The following EPS8 variants were observed in gnomAD, a reference collection of about 807,000 sequenced individuals.
EPS8 encodes the protein EGFR pathway substrate 8, signaling adaptor.
Under a neutral mutation model 103.8 loss-of-function variants are expected in EPS8, and 42 were observed. The observed-to-expected ratio is 0.40, with a 90% CI of 0.32 to 0.52. The LOEUF is 0.52. Ranked by LOEUF, EPS8 falls within the 20% of genes least tolerant of loss-of-function variation. The pLI is 0.40. For missense variants in EPS8, 969 were observed against 1,005.1 expected (o/e 0.96, Z 0.49); for synonymous variants, 344 against 344.6 (o/e 1.00, Z 0.02).
At chr12:15,680,368 AGT>A (rs1197738744) in intron 3 of EPS8, among the ~76,000 whole-genome samples, 1 of 152,178 alleles carries the variant, frequency 6.6e-6, no homozygotes, top group Non-Finnish European at 1.5e-5. Context: ...AAACACATAC[AGT>A]GTTTTCTACT....
At chr12:15,647,076 G>A in intron 15 of EPS8, 51 bp downstream of exon 15, 1 of 1,560,322 alleles carries the variant, frequency 6.4e-7, no homozygotes, top group Admixed American at 1.8e-5. Context: ...GTTAGCACTA[G>A]ATCAGAGACA....
intron 6 of EPS8, among the ~76,000 whole-genome samples, chr12:15,668,228 A>T (rs1386392958): frequency 6.6e-6 from 1 of 152,210 alleles, no homozygotes; most frequent in Non-Finnish European, 1.5e-5. Context: ...CTTTTAGAAG[A>T]AGGTTTTTAG....
intron 14 of EPS8, among the ~76,000 whole-genome samples, chr12:15,649,205 C>G (rs946841984): frequency 1.3e-5 from 2 of 152,094 alleles, no homozygotes; most frequent in African/African-American, 4.8e-5. Flanking sequence ...ATTAATTATT[C>G]AGTGAAAGTA....
In EPS8 at chr12:15,772,574, C is replaced by T. The variant is rs1430276878; in HGVS notation, c.-22+16587G>A. 6.6e-6 allele frequency among the ~76,000 whole-genome samples: 1 copy of T among 152,080 alleles called. No homozygotes were observed. Among genetic ancestry groups the T allele is most frequent in the African/African-American group, 2.4e-5 (1 of 41,400 alleles). ...AAAATAAATAAATAAATAAATAAAG[C>T]ATTGGCTCTCACTGCTGCCAACAGA... is the stretch of plus-strand genomic sequence containing the variant. On this transcript the variant is annotated intron_variant, in intron 1 of 20. Coordinates refer to ENST00000281172, the MANE Select transcript of EPS8 (RefSeq NM_004447.6). This position sits in a 1 kb window ranked among gnomAD's most constrained non-coding sequence, Gnocchi z 5.0.
chr12:15,637,313 G>T (rs1945153273), intron 17 of EPS8, among the ~76,000 whole-genome samples: 1 of 152,226 alleles, frequency 6.6e-6, no homozygotes. Flanking sequence ...GAGCCATTGT[G>T]CCCACCCGAA....
intron 1 of EPS8, among the ~76,000 whole-genome samples, chr12:15,711,795 T>C (rs1000724835): frequency 6.6e-6 from 1 of 152,168 alleles, no homozygotes; most frequent in African/African-American, 2.4e-5. Context: ...TAAGAAATAA[T>C]AGTGACATTA....
At chr12:15,627,253 C>G (rs1944964581) in intron 18 of EPS8, among the ~76,000 whole-genome samples, 1 of 152,166 alleles carries the variant, frequency 6.6e-6, no homozygotes, top group Non-Finnish European at 1.5e-5. Flanking sequence ...ATCCACCCAC[C>G]TTGGCCTCCC....
chr12:15,672,832 A>C lies in EPS8; in HGVS notation c.137-1909T>G, dbSNP rs571697918. On this transcript the variant is annotated intron_variant, in intron 3 of 20. Transcript: ENST00000281172. ...ACACAACTGTCCACGATAGATTCAGAGCAGGAGGGCTCGGCTTGCTTTGAT... is the reference window on the plus strand; with the variant it reads ...ACACAACTGTCCACGATAGATTCAGCGCAGGAGGGCTCGGCTTGCTTTGAT... 1.3e-3 allele frequency among the ~76,000 whole-genome samples: 202 copies of C among 152,308 alleles called. 2 individuals carry two copies. The South Asian group carries it at 0.017, about 13-fold the overall frequency.
At position 15,736,603 on chromosome 12, in the gene EPS8, A is replaced by C. The variant is rs1006359634; in HGVS notation, c.-22+52558T>G. Reference sequence around the variant, plus strand: ...TTTCTTTTTCTATAGGTTCTAATGAAGTTAGTAAGCAAATCAATCCGCAGC... The same window carrying C: ...TTTCTTTTTCTATAGGTTCTAATGACGTTAGTAAGCAAATCAATCCGCAGC... On this transcript the variant is annotated intron_variant, in intron 1 of 20. Coordinates refer to ENST00000281172, the MANE Select transcript of EPS8 (RefSeq NM_004447.6). This position sits in a 1 kb window ranked among gnomAD's most constrained non-coding sequence, Gnocchi z 4.2. 6.6e-6 allele frequency among the ~76,000 whole-genome samples: 1 copy of C among 152,192 alleles called. No homozygotes were observed. The highest frequency in any genetic ancestry group is 1.5e-5 in the Non-Finnish European group (1 of 68,032).
rs1944908601 is a variant in EPS8 at position 15,624,296 on chromosome 12, A to G, written c.2156T>C (p.Ile719Thr). The change falls in exon 19 of 21, where the codon ATC becomes ACC. Residue 719 changes from isoleucine (I) to threonine (T), a missense_variant. Transcript: ENST00000281172. ...TGGTGTGGAGTCGTAAGTGATATTG[A>G]TAACTGGCACGTTCTGCCGTGGCAC... Reference protein sequence around the residue: ...FHVPRQNVPVINITYDSTPED... With the variant: ...FHVPRQNVPVTNITYDSTPED... 4 of 1,613,790 alleles carry G rather than the reference A, an allele frequency of 2.5e-6. No individual in the cohort carries two copies. Among genetic ancestry groups the G allele is most frequent in the Non-Finnish European group, 2.5e-6 (3 of 1,179,892 alleles).
At position 15,776,775 on chromosome 12, in the gene EPS8, C is replaced by G. The variant is rs139184125; in HGVS notation, c.-22+12386G>C. ...GGTTCTTGAGAATTTTAGCGTTTCC[C>G]CTTTTGCTACCGCCAAACTATTTTT... On this transcript the variant is annotated intron_variant, in intron 1 of 20. Transcript: ENST00000281172. The surrounding 1 kb of genome is among the most constrained non-coding windows in gnomAD (Gnocchi z 4.2). Among the ~76,000 whole-genome samples the G allele has an allele frequency of 5.7e-3, 874 of 152,250 alleles. 13 individuals are homozygous for G. Among genetic ancestry groups the G allele is most frequent in the Non-Finnish European group, 7.7e-3 (521 of 68,004 alleles).
At chr12:15,720,263 T>G (rs1946580355) in intron 1 of EPS8, among the ~76,000 whole-genome samples, 1 of 152,154 alleles carries the variant, frequency 6.6e-6, no homozygotes, top group African/African-American at 2.4e-5. Context: ...TTCTAAGTAA[T>G]TCAAATATTT....
rs1384326134 is a variant in EPS8 at position 15,747,477 on chromosome 12, A to T, written c.-22+41684T>A. 6.6e-6 allele frequency among the ~76,000 whole-genome samples: 1 copy of T among 152,182 alleles called. No individual in the cohort carries two copies. Among genetic ancestry groups the T allele is most frequent in the Non-Finnish European group, 1.5e-5 (1 of 68,038 alleles). On this transcript the variant is annotated intron_variant, in intron 1 of 20. Transcript: ENST00000281172. The surrounding 1 kb of genome is among the most constrained non-coding windows in gnomAD (Gnocchi z 4.4). ...TTAGTTCCAGTACTACCAATTCAGT[A>T]ATCTTATAAGTTAAATTATTTTTGT...
chr12:15,682,092 A>G lies in EPS8; in HGVS notation c.60-790T>C, dbSNP rs370634588. Among the ~76,000 whole-genome samples the G allele has an allele frequency of 4.1e-4, 63 of 152,308 alleles. 3 individuals carry two copies. In the East Asian group the frequency reaches 5.6e-3, roughly 14 times the overall value. ...CCGCATTGACACAAGCAGAATCTAA[A>G]TGAATGGAAAGAAGCTCTATAAACA... is the stretch of plus-strand genomic sequence containing the variant. On this transcript the variant is annotated intron_variant, in intron 2 of 20. Coordinates refer to ENST00000281172, the MANE Select transcript of EPS8 (RefSeq NM_004447.6).
At chr12:15,651,785 T>C (rs971942757) in intron 13 of EPS8, among the ~76,000 whole-genome samples, 5 of 152,236 alleles carry the variant, frequency 3.3e-5, no homozygotes. Flanking sequence ...TTTATTCAGA[T>C]TGTTATAGAC....
chr12:15,627,296 G>T (rs1370217498), intron 18 of EPS8, among the ~76,000 whole-genome samples: 1 of 152,190 alleles, frequency 6.6e-6, no homozygotes, highest in East Asian at 1.9e-4. Flanking sequence ...GAGCCACCGC[G>T]CCCAGCCAAC....
rs1381603481 is a variant in EPS8, at chr12:15,716,807, G to A, written c.-21-33835C>T. ...CAACCAAGCAGAATCGATCAACAAT[G>A]TCACAATCCATTCATCTTGGAAGTA... is the stretch of plus-strand genomic sequence containing the variant. On this transcript the variant is annotated intron_variant, in intron 1 of 20. Transcript: ENST00000281172. The surrounding 1 kb of genome is among the most constrained non-coding windows in gnomAD (Gnocchi z 5.0). Among the ~76,000 whole-genome samples the A allele has an allele frequency of 6.6e-6, 1 of 152,158 alleles. No homozygotes were observed.
chr12:15,683,041 T>G, intron 1 of EPS8, 69 bp from the exon 2 acceptor site: 1 of 756,918 alleles, frequency 1.3e-6, no homozygotes, highest in Non-Finnish European at 2.1e-6. Context: ...CAAAAGTTAT[T>G]CATTCAACAA....
At chr12:15,662,224 C>T (rs1945618618) in intron 8 of EPS8, 125 bp from the exon 9 acceptor site, 1 of 1,527,422 alleles carries the variant, frequency 6.5e-7, no homozygotes, top group African/African-American at 1.4e-5. Flanking sequence ...CCACTGGATA[C>T]ACAAGTCAAA....
Sources: allele counts gnomAD v4.1 joint callset (sites outside exome capture counted in the v4.1 genomes callset), GRCh38; gene constraint gnomAD v4.1.1; non-coding constraint Gnocchi (gnomAD v3.1); transcripts MANE v1.5; gene names NCBI Gene and HGNC (gene_info 2026-07-23, HGNC 2026-07-21).